The following WNT9B variants were observed in gnomAD, a reference collection of about 807,000 sequenced individuals.
WNT9B encodes the protein Wnt family member 9B.
WNT9B carries 12 observed loss-of-function variants against 30.2 expected under a neutral mutation model. The ratio of observed to expected loss-of-function variants is 0.40; its 90% CI spans 0.26 to 0.64. WNT9B has a LOEUF of 0.64. WNT9B is among the 30% of genes least tolerant of loss of function. WNT9B has a pLI of 0.42. For missense variants in WNT9B, 442 were observed against 485.2 expected (o/e 0.91, Z 0.84); for synonymous variants, 218 against 216.9 (o/e 1.01, Z -0.05).
intron 1 of WNT9B, among the ~76,000 whole-genome samples, chr17:46,844,901 G>A (rs2084757394): frequency 6.6e-6 from 1 of 151,938 alleles, no homozygotes; most frequent in African/African-American, 2.4e-5. Context: ...GGGCTGGAGT[G>A]CAATGGTGGG....
At chr17:46,847,631 T>C (rs921818428), upstream of WNT9B, among the ~76,000 whole-genome samples, 1 of 152,138 alleles carries the variant, frequency 6.6e-6, no homozygotes, top group Non-Finnish European at 1.5e-5. Context: ...CCAGCCCTCC[T>C]GGGCAGCTGT....
At chr17:46,880,589 C>A (rs769701579), downstream of WNT9B, among the ~76,000 whole-genome samples, 24 of 152,188 alleles carry the variant, frequency 1.6e-4, no homozygotes, top group Admixed American at 3.9e-4. Flanking sequence ...ATTGCAATAA[C>A]TTTGCACATT....
chr17:46,863,203 A>G (rs1196251493), intron 1 of WNT9B, among the ~76,000 whole-genome samples: 1 of 152,206 alleles, frequency 6.6e-6, no homozygotes, highest in Non-Finnish European at 1.5e-5. Flanking sequence ...GTGGGGCGTT[A>G]GGTGGTAGCC....
At chr17:46,866,752 C>G (rs992392137) in intron 1 of WNT9B, among the ~76,000 whole-genome samples, 2 of 152,114 alleles carry the variant, frequency 1.3e-5, no homozygotes, top group Non-Finnish European at 2.9e-5. Context: ...CTGGCATTAC[C>G]TGGTGCCCTA....
chr17:46,876,829 C>T lies in WNT9B; in HGVS notation c.*111C>T. 1 of 1,438,286 alleles carries T rather than the reference C, an allele frequency of 7.0e-7. No individual in the cohort carries two copies. The highest frequency in any genetic ancestry group is 9.2e-7 in the Non-Finnish European group (1 of 1,091,694). 89.1% of individuals were successfully genotyped at this position (1,438,286 alleles called of 1,614,324 possible). ...GTCATCACATGCATGCATAAACCGG[C>T]ATGTGTGCCAATGCACACGAGTGTG... On this transcript the variant is annotated 3_prime_UTR_variant, in exon 4 of 4. Coordinates refer to ENST00000290015, the MANE Select transcript of WNT9B (RefSeq NM_003396.3).
chr17:46,849,849 C>CTTTTTTTTTTTT (rs761797393), upstream of WNT9B, among the ~76,000 whole-genome samples: 1 of 145,750 alleles, frequency 6.9e-6, no homozygotes. Context: ...CATTTAATAT[C>CTTTTTTTTTTTT]TTTTTTTTTT....
chr17:46,884,914 G>C (rs1706781829), downstream of WNT9B: 1 of 344,914 alleles, frequency 2.9e-6, no homozygotes. Context: ...AATATCTCCA[G>C]TGAAATTTGT....
At chr17:46,844,847 T>C (rs2084756580) in intron 1 of WNT9B, among the ~76,000 whole-genome samples, 1 of 152,136 alleles carries the variant, frequency 6.6e-6, no homozygotes, top group Non-Finnish European at 1.5e-5. Flanking sequence ...CTTCTTTCTT[T>C]CTTTTTTATT....
chr17:46,845,981 G>A (rs1380222294), intron 1 of WNT9B, among the ~76,000 whole-genome samples: 1 of 151,902 alleles, frequency 6.6e-6, no homozygotes, highest in Non-Finnish European at 1.5e-5. Context: ...AGCAGAGATG[G>A]GGTTTTGCCA....
chr17:46,841,117 G>C (rs1051664181), intron 1 of WNT9B, among the ~76,000 whole-genome samples: 1 of 152,218 alleles, frequency 6.6e-6, no homozygotes, highest in Non-Finnish European at 1.5e-5. Flanking sequence ...GACAGACAAG[G>C]CTCCTTGGAA....
At chr17:46,857,247 T>A (rs2084953363) in intron 1 of WNT9B, among the ~76,000 whole-genome samples, 1 of 152,076 alleles carries the variant, frequency 6.6e-6, no homozygotes, top group Non-Finnish European at 1.5e-5. Context: ...GACGGGCAGA[T>A]CACTTGAGGT....
At chr17:46,868,918 G>C (rs375840047) in intron 1 of WNT9B, among the ~76,000 whole-genome samples, 73 of 152,278 alleles carry the variant, frequency 4.8e-4, no homozygotes, top group African/African-American at 1.7e-3. Flanking sequence ...AGCATGTGTC[G>C]GATAATTCAC....
At chr17:46,836,207 C>T (rs1196362256) in intron 1 of WNT9B, among the ~76,000 whole-genome samples, 1 of 150,956 alleles carries the variant, frequency 6.6e-6, no homozygotes, top group African/African-American at 2.4e-5. Context: ...GATATTGAAC[C>T]CTTACCCCCT....
At chr17:46,847,838 T>C (rs7224370), upstream of WNT9B, among the ~76,000 whole-genome samples, 29,881 of 152,114 alleles carry the variant, frequency 0.2, 3,610 homozygotes, top group East Asian at 0.5. Context: ...TGAGGGTTTG[T>C]TTCAGGCAGG....
rs1030950912 is a variant in WNT9B, at chr17:46,879,923, C to T, written c.*3205C>T. On this transcript the variant is annotated 3_prime_UTR_variant, in exon 4 of 4. Coordinates refer to ENST00000290015, the MANE Select transcript of WNT9B (RefSeq NM_003396.3). ...ACCCATGGAGGCCACTCCAAGGGGT[C>T]CTTCTGCCCACACTGCCCAAGAAGC... Among the ~76,000 whole-genome samples, 1 of 152,232 alleles carries T rather than the reference C, an allele frequency of 6.6e-6. No individual in the cohort carries two copies. The highest frequency in any genetic ancestry group is 1.5e-5 in the Non-Finnish European group (1 of 68,042).
chr17:46,854,431 A>T (rs1410804232), intron 1 of WNT9B, among the ~76,000 whole-genome samples: 1 of 152,102 alleles, frequency 6.6e-6, no homozygotes, highest in East Asian at 1.9e-4. Flanking sequence ...GGGCTCTTTG[A>T]AATCATAGAA....
At chr17:46,875,896 G>A (rs759746133) in intron 3 of WNT9B, among the ~76,000 whole-genome samples, 1 of 152,174 alleles carries the variant, frequency 6.6e-6, no homozygotes, top group Non-Finnish European at 1.5e-5. Flanking sequence ...TGCTCTAGCT[G>A]TTTATGAGAT....
At chr17:46,860,887 C>G (rs2085025993) in intron 1 of WNT9B, among the ~76,000 whole-genome samples, 1 of 152,068 alleles carries the variant, frequency 6.6e-6, no homozygotes, top group Non-Finnish European at 1.5e-5. Flanking sequence ...GAGATAGGTT[C>G]CTGCTCTGTC....
chr17:46,886,688 T>C (rs150780193), exon 5 of WNT9B: 1 of 152,412 alleles, frequency 6.6e-6, no homozygotes, highest in Admixed American at 6.5e-5. Flanking sequence ...TTCGGAGGGA[T>C]GCCCAATTCT....
Sources: allele counts gnomAD v4.1 joint callset (sites outside exome capture counted in the v4.1 genomes callset), GRCh38; gene constraint gnomAD v4.1.1; transcripts MANE v1.5; gene names NCBI Gene and HGNC (gene_info 2026-07-23, HGNC 2026-07-21).